MANBA: variants seen among roughly 807,000 people sequenced by gnomAD.
MANBA encodes the protein mannosidase beta.
Under a neutral mutation model 111.1 loss-of-function variants are expected in MANBA, and 83 were observed. The observed-to-expected ratio is 0.75, with a 90% CI of 0.63 to 0.90. The LOEUF is 0.90. Ranked by LOEUF, MANBA falls within the 40% of genes least tolerant of loss-of-function variation. The pLI, the probability that MANBA is intolerant of heterozygous loss-of-function variation, is 0.00. For synonymous variants in MANBA, 370 were observed against 378.7 expected, an observed-to-expected ratio of 0.98 and a Z score of 0.27; for missense variants, 1,036 against 1,069.0, an observed-to-expected ratio of 0.97 and a Z score of 0.43.
At chr4:102,683,859 C>T (rs775958061) in intron 7 of MANBA, among the ~76,000 whole-genome samples, 6 of 152,030 alleles carry the variant, frequency 3.9e-5, no homozygotes, top group Non-Finnish European at 7.4e-5. Context: ...TTGATATTTT[C>T]CCTATATTAC....
intron 7 of MANBA, among the ~76,000 whole-genome samples, chr4:102,680,457 C>G (rs963366087): frequency 3.3e-5 from 5 of 152,042 alleles, no homozygotes; most frequent in Non-Finnish European, 7.4e-5. Context: ...ATTAACTTTT[C>G]AAAATTTTTC....
chr4:102,731,056 A>C (rs1723016719), intron 1 of MANBA, among the ~76,000 whole-genome samples: 1 of 152,160 alleles, frequency 6.6e-6, no homozygotes, highest in South Asian at 2.1e-4. Flanking sequence ...CCCAAGGGGG[A>C]GTAGCACAGA....
At chr4:102,700,865 T>C (rs1424302224) in intron 5 of MANBA, among the ~76,000 whole-genome samples, 1 of 152,200 alleles carries the variant, frequency 6.6e-6, no homozygotes, top group East Asian at 1.9e-4. Context: ...TCTGTAGATG[T>C]CTATTAGGTC....
chr4:102,687,983 C>A (rs1732293947), intron 7 of MANBA, among the ~76,000 whole-genome samples: 4 of 152,244 alleles, frequency 2.6e-5, no homozygotes, highest in African/African-American at 9.6e-5. Context: ...TTAAAGCAAA[C>A]TCCTGTTGCT....
intron 5 of MANBA, among the ~76,000 whole-genome samples, chr4:102,697,470 T>C (rs567380978): frequency 6.6e-6 from 1 of 151,798 alleles, no homozygotes; most frequent in Non-Finnish European, 1.5e-5. Context: ...ACTTGTCATC[T>C]ATCATTAGGT....
intron 1 of MANBA, chr4:102,754,011 AAAAAAAG>A: frequency 2.8e-6 from 1 of 355,592 alleles, no homozygotes; most frequent in Non-Finnish European, 5.6e-6. Flanking sequence ...TCAAAAAAAA[AAAAAAAG>A]AAAAAAAAAA....
chr4:102,720,596 C>T (rs1722525488), intron 4 of MANBA, among the ~76,000 whole-genome samples: 1 of 150,244 alleles, frequency 6.7e-6, no homozygotes, highest in Non-Finnish European at 1.5e-5. Context: ...CAGAGTCAGA[C>T]TTCATCTCAA....
chr4:102,749,319 T>A (rs1410795848), intron 1 of MANBA, among the ~76,000 whole-genome samples: 1 of 152,144 alleles, frequency 6.6e-6, no homozygotes, highest in Non-Finnish European at 1.5e-5. Context: ...GATGTGGTGG[T>A]TAGACACAAG....
intron 1 of MANBA, chr4:102,730,776 T>C (rs551749180): frequency 2.1e-6 from 1 of 470,062 alleles, no homozygotes; most frequent in African/African-American, 2.0e-5. Context: ...GAGTTTCTCT[T>C]ATAGGGTTTA....
intron 2 of MANBA, among the ~76,000 whole-genome samples, chr4:102,724,174 T>C (rs1306779358): frequency 6.6e-6 from 1 of 152,246 alleles, no homozygotes; most frequent in Non-Finnish European, 1.5e-5. Flanking sequence ...CTCTATAATG[T>C]ATCAATAAAT....
At chr4:102,752,716 G>A (rs370435741) in intron 1 of MANBA, 80 of 415,524 alleles carry the variant, frequency 1.9e-4, no homozygotes, top group South Asian at 1.4e-3. Context: ...TTATACTGAT[G>A]CAGATGCAGA....
At chr4:102,652,525 G>A (rs1053181241) in intron 12 of MANBA, among the ~76,000 whole-genome samples, 8 of 152,084 alleles carry the variant, frequency 5.3e-5, no homozygotes, top group African/African-American at 1.9e-4. Context: ...AACTGGAAAT[G>A]GCCAGGCAAA....
At chr4:102,665,224 G>A (rs1731166481) in intron 10 of MANBA, 1 of 230,034 alleles carries the variant, frequency 4.3e-6, no homozygotes. Flanking sequence ...ATATTTTGGG[G>A]ATTGGTTCTT....
At chr4:102,646,240 T>A (rs575658308) in intron 13 of MANBA, among the ~76,000 whole-genome samples, 130 of 152,224 alleles carry the variant, frequency 8.5e-4, no homozygotes, top group South Asian at 2.5e-3. Flanking sequence ...TAATATATAA[T>A]ACACAATGTT....
chr4:102,755,290 A>G (rs1479783290), intron 1 of MANBA, among the ~76,000 whole-genome samples: 1 of 152,246 alleles, frequency 6.6e-6, no homozygotes, highest in South Asian at 2.1e-4. Flanking sequence ...CCAATGGAAC[A>G]GAACAGAGCC....
At chr4:102,654,761 T>A (rs991468041) in intron 12 of MANBA, among the ~76,000 whole-genome samples, 1 of 152,172 alleles carries the variant, frequency 6.6e-6, no homozygotes, top group African/African-American at 2.4e-5. Flanking sequence ...TGAAATGTAC[T>A]CCCTAAGAAA....
intron 1 of MANBA, among the ~76,000 whole-genome samples, chr4:102,748,032 CA>C (rs1452577230): frequency 6.6e-6 from 1 of 152,312 alleles, no homozygotes; most frequent in East Asian, 1.9e-4. Context: ...GAGGAGATCA[CA>C]CTTGCTCAGG....
At chr4:102,644,352 A>T (rs116574094) in intron 13 of MANBA, among the ~76,000 whole-genome samples, 2,071 of 152,268 alleles carry the variant, frequency 0.014, 61 homozygotes, top group African/African-American at 0.048. Flanking sequence ...TCATTACAGC[A>T]TTATTTACAA....
At chr4:102,689,499 T>C in intron 7 of MANBA, 75 bp downstream of exon 7, 1 of 953,114 alleles carries the variant, frequency 1.0e-6, no homozygotes, top group Non-Finnish European at 1.6e-6. Context: ...TTTCTTCTTT[T>C]CCCATGAAGA....
Sources: allele counts gnomAD v4.1 joint callset (sites outside exome capture counted in the v4.1 genomes callset), GRCh38; gene constraint gnomAD v4.1.1; transcripts MANE v1.5; gene names NCBI Gene and HGNC (gene_info 2026-07-23, HGNC 2026-07-21).